Variants in XDH observed in about 807,000 individuals in gnomAD.
XDH encodes the protein xanthine dehydrogenase/oxidase.
XDH carries 138 observed loss-of-function variants against 156.1 expected under a neutral mutation model. The ratio of observed to expected loss-of-function variants is 0.88; its 90% confidence interval spans 0.77 to 1.02. The LOEUF (loss-of-function observed/expected upper bound fraction) is 1.02, where lower values mean the gene tolerates loss of function less well. Ranked by LOEUF, XDH falls within the 50% of genes least tolerant of loss-of-function variation. XDH has a pLI of 0.00. For synonymous variants in XDH, 669 were observed against 625.7 expected (o/e 1.07, Z -1.03); for missense variants, 1,849 against 1,684.9 (o/e 1.10, Z -1.71).
chr2:31,386,253 C>A (rs1321826935), intron 9 of XDH, among the ~76,000 whole-genome samples, 161 bp downstream of exon 9: 1 of 152,180 alleles, frequency 6.6e-6, no homozygotes, highest in African/African-American at 2.4e-5. Flanking sequence ...TTTGCAGGAA[C>A]TGGAGTGTCC....
intron 34 of XDH, among the ~76,000 whole-genome samples, chr2:31,338,591 G>A (rs1162894275): frequency 6.6e-6 from 1 of 151,800 alleles, no homozygotes; most frequent in African/African-American, 2.4e-5. Context: ...CCAAGGATTA[G>A]TTGCCTTCCT....
At chr2:31,384,578 C>G (rs1686533457) in intron 9 of XDH, among the ~76,000 whole-genome samples, 1 of 152,148 alleles carries the variant, frequency 6.6e-6, no homozygotes, top group Non-Finnish European at 1.5e-5. Context: ...AAGTGTGCCT[C>G]TGTTCCTTAG....
intron 21 of XDH, 113 bp from the exon 22 acceptor site, chr2:31,366,222 A>G (rs1685912870): frequency 6.4e-7 from 1 of 1,572,940 alleles, no homozygotes; most frequent in East Asian, 2.2e-5. Flanking sequence ...GAATTCTGAA[A>G]TTCCTTGATT....
chr2:31,378,268 A>G (rs569002998), intron 13 of XDH, among the ~76,000 whole-genome samples: 116 of 151,926 alleles, frequency 7.6e-4, no homozygotes, highest in African/African-American at 2.7e-3. Flanking sequence ...CTTTAAACAC[A>G]TTTTCCTTCC....
intron 26 of XDH, 52 bp from the exon 27 acceptor site, chr2:31,349,032 T>C (rs771828119): frequency 6.5e-7 from 1 of 1,540,056 alleles, no homozygotes; most frequent in Non-Finnish European, 8.9e-7. Flanking sequence ...ATTGAGGACA[T>C]GAATATCTTT....
chr2:31,354,157 G>A (rs570626282), intron 24 of XDH, among the ~76,000 whole-genome samples: 19 of 152,312 alleles, frequency 1.2e-4, no homozygotes, highest in African/African-American at 4.6e-4. Context: ...AGAAGGAGTT[G>A]TTCCTAACCT....
chr2:31,366,751 C>T (rs953652673), intron 21 of XDH, 119 bp downstream of exon 21: 18 of 1,519,608 alleles, frequency 1.2e-5, no homozygotes, highest in Non-Finnish European at 1.5e-5. Flanking sequence ...CTATGACACT[C>T]GAGTACCCTC....
chr2:31,364,157 C>T lies in XDH; in HGVS notation c.2631+1G>A. 2 of 1,613,956 alleles carry T rather than the reference C, an allele frequency of 1.2e-6. No homozygotes were observed. Among genetic ancestry groups the T allele is most frequent in the Non-Finnish European group, 1.7e-6 (2 of 1,180,016 alleles). Reference sequence around the variant, plus strand: ...CAGGGGCGGCTGCAGGTCCTACTCACACTCTGAGAGAGATCCTGGGTGTTC... The same window carrying T: ...CAGGGGCGGCTGCAGGTCCTACTCATACTCTGAGAGAGATCCTGGGTGTTC... On this transcript the variant is annotated splice_donor_variant, in intron 24 of 35. Coordinates refer to ENST00000379416, the MANE Select transcript of XDH (RefSeq NM_000379.4). LOFTEE classifies it high-confidence loss of function.
At chr2:31,342,070 G>A in intron 32 of XDH, 113 bp downstream of exon 32, 1 of 971,122 alleles carries the variant, frequency 1.0e-6, no homozygotes, top group Non-Finnish European at 1.6e-6. Context: ...TATCCTTAAT[G>A]GAAGGCATTA....
intron 20 of XDH, among the ~76,000 whole-genome samples, chr2:31,367,428 G>A (rs1023070453): frequency 1.2e-4 from 19 of 152,180 alleles, no homozygotes; most frequent in Non-Finnish European, 2.5e-4. Flanking sequence ...TGGAGAGTTG[G>A]CTTCATAGTG....
intron 1 of XDH, among the ~76,000 whole-genome samples, chr2:31,407,047 G>A (rs1011199465): frequency 6.6e-6 from 1 of 152,194 alleles, no homozygotes; most frequent in African/African-American, 2.4e-5. Flanking sequence ...TTAAAAGGGT[G>A]TATATTATTG....
chr2:31,348,816 A>C (rs1191175289), intron 27 of XDH, 83 bp downstream of exon 27: 1 of 1,333,820 alleles, frequency 7.5e-7, no homozygotes, highest in Non-Finnish European at 1.1e-6. Flanking sequence ...AGTGACAACG[A>C]AATTTCCCTT....
intron 30 of XDH, among the ~76,000 whole-genome samples, chr2:31,346,444 G>A (rs10188839): frequency 0.097 from 14,717 of 152,116 alleles, 1,150 homozygotes; most frequent in African/African-American, 0.22. Flanking sequence ...GACCCACTGA[G>A]TCAAGACAAT....
chr2:31,384,139 T>TGTGTGC, intron 9 of XDH: 5 of 390,060 alleles, frequency 1.3e-5, no homozygotes, highest in Middle Eastern at 8.3e-4. Flanking sequence ...TGTGTGTGTG[T>TGTGTGC]GTGTGTGTGT....
chr2:31,410,376 T>G (rs1687308732), intron 1 of XDH, among the ~76,000 whole-genome samples: 1 of 152,186 alleles, frequency 6.6e-6, no homozygotes, highest in Non-Finnish European at 1.5e-5. Context: ...GATGGTAAAT[T>G]TTATGTATTT....
intron 33 of XDH, 98 bp downstream of exon 33, chr2:31,341,231 A>G: frequency 8.2e-7 from 1 of 1,226,502 alleles, no homozygotes; most frequent in East Asian, 2.5e-5. Flanking sequence ...CTGTTTGAAG[A>G]CAACCTTGGA....
intron 1 of XDH, among the ~76,000 whole-genome samples, chr2:31,407,624 C>T (rs1423824878): frequency 1.3e-5 from 2 of 152,124 alleles, no homozygotes; most frequent in African/African-American, 4.8e-5. Flanking sequence ...AGGTCAGCTC[C>T]AAACACCTAA....
At chr2:31,411,355 T>C (rs1687339126) in intron 1 of XDH, among the ~76,000 whole-genome samples, 1 of 151,704 alleles carries the variant, frequency 6.6e-6, no homozygotes, top group African/African-American at 2.4e-5. Context: ...TGAAACTTAC[T>C]GTCAAAAGGT....
At chr2:31,340,258 T>C (rs1345413428) in intron 33 of XDH, among the ~76,000 whole-genome samples, 1 of 152,218 alleles carries the variant, frequency 6.6e-6, no homozygotes, top group Non-Finnish European at 1.5e-5. Flanking sequence ...CAATCATCTT[T>C]GGGTCTGCAG....
Sources: allele counts gnomAD v4.1 joint callset (sites outside exome capture counted in the v4.1 genomes callset), GRCh38; gene constraint gnomAD v4.1.1; transcripts MANE v1.5; gene names NCBI Gene and HGNC (gene_info 2026-07-23, HGNC 2026-07-21).